DOCK5: variants seen among roughly 807,000 people sequenced by gnomAD.
The protein encoded by DOCK5 is dedicator of cytokinesis protein 5.
A neutral mutation model predicts 251.8 loss-of-function variants in DOCK5; 142 were observed. The ratio of observed to expected loss-of-function variants is 0.56; its 90% CI spans 0.49 to 0.65. The LOEUF (loss-of-function observed/expected upper bound fraction) is 0.65, where lower values mean the gene tolerates loss of function less well. Ranked by LOEUF, DOCK5 falls within the 30% of genes least tolerant of loss-of-function variation. DOCK5 has a pLI of 0.00. For missense variants in DOCK5, 2,111 were observed against 2,312.3 expected (o/e 0.91, Z 1.79); for synonymous variants, 842 against 835.5 (o/e 1.01, Z -0.13).
In DOCK5 at chr8:25,307,091, G is replaced by T. The variant is rs114959755; in HGVS notation, c.1050-1692G>T. 7.9e-3 allele frequency among the ~76,000 whole-genome samples: 1,196 copies of T among 152,094 alleles called. 25 individuals carry two copies. Among genetic ancestry groups the T allele is most frequent in the African/African-American group, 0.028 (1,153 of 41,476 alleles). The stretch of plus-strand genomic sequence containing the variant: ...GTTAAAACAGCTATAATATCACTAG[G>T]CAATAGAAATGTTTCAGCTCCATTA... On this transcript the variant is annotated intron_variant, in intron 11 of 51. Coordinates refer to ENST00000276440, the MANE Select transcript of DOCK5 (RefSeq NM_024940.8).
Position 25,389,177 on chromosome 8 carries a change from G to C in DOCK5, c.4218G>C (p.Glu1406Asp), listed in dbSNP as rs752825099. Reference sequence around the variant, plus strand: ...TGTTAACCCAGTTCCCCAATGCGGAGAAGATGACCAGTACCACGCCTCCTG... The same window carrying C: ...TGTTAACCCAGTTCCCCAATGCGGACAAGATGACCAGTACCACGCCTCCTG... ...LRLLTQFPNAEKMTSTTPPGE... is the reference protein window; with the variant it reads ...LRLLTQFPNADKMTSTTPPGE... The change falls in exon 41 of 52, where the codon GAG (glutamate) becomes GAC (aspartate). Residue 1406 changes from glutamate to aspartate, a missense_variant. Physicochemically the swap from Glu to Asp is conservative, Grantham distance 45. Around this residue, in one of 3 missense-constraint regions of DOCK5, gnomAD observed 1,717 missense variants for 1,892.4 expected, o/e 0.91. Transcript: ENST00000276440. The C allele has an allele frequency of 1.2e-6, 2 of 1,614,040 alleles. No individual in the cohort carries two copies. Among genetic ancestry groups the C allele is most frequent in the Non-Finnish European group, 1.7e-6 (2 of 1,179,884 alleles).
chr8:25,372,874 G>A (rs1406325662), intron 35 of DOCK5, among the ~76,000 whole-genome samples, 156 bp downstream of exon 35: 1 of 152,220 alleles, frequency 6.6e-6, no homozygotes, highest in Non-Finnish European at 1.5e-5. Context: ...GGCTGGCTCA[G>A]CTCACAGGTA....
At chr8:25,377,196 T>C in intron 37 of DOCK5, 109 bp from the exon 38 acceptor site, 1 of 1,386,650 alleles carries the variant, frequency 7.2e-7, no homozygotes. Flanking sequence ...GTTTAATACA[T>C]AATCTAAAAT....
chr8:25,404,756 C>G (rs1360866742), intron 48 of DOCK5, among the ~76,000 whole-genome samples: 2 of 151,944 alleles, frequency 1.3e-5, no homozygotes, highest in Non-Finnish European at 2.9e-5. Flanking sequence ...TGAAATTGCT[C>G]TGTCAAAGAT....
At chr8:25,403,086 C>A (rs1801465382) in intron 47 of DOCK5, among the ~76,000 whole-genome samples, 1 of 152,160 alleles carries the variant, frequency 6.6e-6, no homozygotes, top group South Asian at 2.1e-4. Context: ...ATGGTGGCAT[C>A]TGGGGGTAAT....
At chr8:25,407,596 G>A (rs1440822065) in intron 48 of DOCK5, among the ~76,000 whole-genome samples, 2 of 152,244 alleles carry the variant, frequency 1.3e-5, no homozygotes, top group East Asian at 3.9e-4. Context: ...AGGAGGCCGG[G>A]CATGGTGGCT....
At chr8:25,297,866 G>A (rs1204680053) in intron 7 of DOCK5, among the ~76,000 whole-genome samples, 2 of 151,846 alleles carry the variant, frequency 1.3e-5, no homozygotes, top group African/African-American at 4.8e-5. Context: ...GGCAAATAGT[G>A]ACATAGTGAG....
intron 25 of DOCK5, 69 bp from the exon 26 acceptor site, chr8:25,345,406 G>A (rs781489667): frequency 1.3e-6 from 2 of 1,586,606 alleles, no homozygotes; most frequent in East Asian, 4.5e-5. Context: ...AGGAAGAGTT[G>A]CAGGAAGGAG....
intron 27 of DOCK5, among the ~76,000 whole-genome samples, 154 bp from the exon 28 acceptor site, chr8:25,358,809 C>G (rs891785853): frequency 6.6e-6 from 1 of 152,138 alleles, no homozygotes; most frequent in East Asian, 1.9e-4. Flanking sequence ...AAGCACGTGG[C>G]CTTTGGACCT....
At chr8:25,295,828 T>G (rs922919071) in intron 6 of DOCK5, among the ~76,000 whole-genome samples, 2 of 152,148 alleles carry the variant, frequency 1.3e-5, no homozygotes, top group African/African-American at 4.8e-5. Flanking sequence ...TATTTATTTA[T>G]TTATTGTTTC....
In DOCK5 at chr8:25,351,012, T is replaced by C. The variant is rs191125864; in HGVS notation, c.2755-719T>C. On this transcript the variant is annotated intron_variant, in intron 26 of 51. Transcript: ENST00000276440. ...GAGCTTTGTATTTTTGCCTTTAATT[T>C]CCCACACATGTGCCTAATTGACCTG... Among the ~76,000 whole-genome samples the C allele has an allele frequency of 6.1e-4, 93 of 152,310 alleles. 1 individual carries two copies. The highest frequency in any genetic ancestry group is 5.3e-3 in the Admixed American group (81 of 15,298).
intron 44 of DOCK5, among the ~76,000 whole-genome samples, chr8:25,394,445 C>A (rs1255258249): frequency 6.6e-6 from 1 of 151,646 alleles, no homozygotes; most frequent in Non-Finnish European, 1.5e-5. Flanking sequence ...ATTCAAAATT[C>A]AGCCTGTATA....
At chr8:25,357,578 A>G (rs186308300) in intron 27 of DOCK5, among the ~76,000 whole-genome samples, 4 of 151,972 alleles carry the variant, frequency 2.6e-5, no homozygotes, top group Non-Finnish European at 4.4e-5. Flanking sequence ...GGGTTTCACC[A>G]TGTTGGCCAG....
At position 25,323,935 on chromosome 8, in the gene DOCK5, A is replaced by G. The variant is rs1306250146; in HGVS notation, c.1703A>G (p.Asp568Gly). 1.9e-6 allele frequency: 3 copies of G among 1,612,276 alleles called. No homozygotes were observed. The highest frequency in any genetic ancestry group is 1.7e-5 in the Admixed American group (1 of 59,758). The change falls in exon 17 of 52, where the codon GAT (aspartate) becomes GGT (glycine). Residue 568 changes from aspartate to glycine, a missense_variant. This residue lies in a region of DOCK5 where 1,717 missense variants were observed against 1,892.4 expected (regional missense o/e 0.91). Transcript: ENST00000276440. ...ACCACTCTGCAGGATGGGAGGCACG[A>G]TCTGGTGGTTTATAAGGTGGTGCTA... ...DGTTLQDGRHDLVVYKGDNKK... is the reference protein window; with the variant it reads ...DGTTLQDGRHGLVVYKGDNKK...
chr8:25,329,674 G>A (rs539450842), intron 18 of DOCK5, among the ~76,000 whole-genome samples: 2 of 152,136 alleles, frequency 1.3e-5, no homozygotes, highest in East Asian at 3.9e-4. Context: ...TTCTATCCCA[G>A]AGAAGCTGCT....
chr8:25,413,693 A>C lies in DOCK5; in HGVS notation c.*2395A>C, dbSNP rs939069313. 6.6e-6 allele frequency: 1 copy of C among 152,248 alleles called. No homozygotes were observed. The allele number at this position is 152,248 out of a possible 1,614,324, so 9.4% of individuals were successfully genotyped here. A position where few individuals can be genotyped will look rare whatever the true frequency, so the allele number is the denominator to read the frequency against. Reference sequence around the variant, plus strand: ...TGAGCAGAGGCTGGGAAGATAGGATACATCACTGTCTGGATACCTTCTCTT... The same window carrying C: ...TGAGCAGAGGCTGGGAAGATAGGATCCATCACTGTCTGGATACCTTCTCTT... On this transcript the variant is annotated 3_prime_UTR_variant, in exon 52 of 52. Transcript: ENST00000276440.
rs145051157 is a variant in DOCK5, at chr8:25,353,356, CAAAAT to C, written c.2850+1540_2850+1544del. Among the ~76,000 whole-genome samples the C allele has an allele frequency of 5.2e-3, 797 of 151,980 alleles. 6 individuals carry two copies. Among genetic ancestry groups the C allele is most frequent in the African/African-American group, 0.018 (746 of 41,440 alleles). On this transcript the variant is annotated intron_variant, in intron 27 of 51. Coordinates refer to ENST00000276440, the MANE Select transcript of DOCK5 (RefSeq NM_024940.8). Reference sequence around the variant, plus strand: ...CCCTGTTTCAAAATATAAAATAAAACAAAATAAAATAAAAATCCAAGCTCATCCAA... The same window carrying C: ...CCCTGTTTCAAAATATAAAATAAAACAAAATAAAAATCCAAGCTCATCCAA...
chr8:25,195,574 C>T (rs1801702835), intron 1 of DOCK5, among the ~76,000 whole-genome samples: 1 of 152,186 alleles, frequency 6.6e-6, no homozygotes, highest in Non-Finnish European at 1.5e-5. Flanking sequence ...GGTTTTTGAA[C>T]TTGCCAAGCT....
At chr8:25,297,122 T>G (rs984949090) in intron 7 of DOCK5, among the ~76,000 whole-genome samples, 3 of 152,100 alleles carry the variant, frequency 2.0e-5, no homozygotes, top group African/African-American at 4.8e-5. Context: ...TGAGACGGAG[T>G]CTTGCTCTGT....
Sources: gnomAD v4.1 joint callset for allele counts (sites outside exome capture counted in the v4.1 genomes callset) on GRCh38, gnomAD v4.1.1 for gene constraint, gnomAD v4.1.1 regional missense constraint, MANE v1.5 for transcripts, NCBI Gene and HGNC (gene_info 2026-07-23, HGNC 2026-07-21) for gene names.